CLPX: variants seen among roughly 807,000 people sequenced by gnomAD.
The protein encoded by CLPX is caseinolytic mitochondrial matrix peptidase chaperone subunit X.
A neutral mutation model predicts 76.4 loss-of-function variants in CLPX; 34 were observed. That is an observed-to-expected ratio of 0.45 (90% CI 0.34 to 0.59). The LOEUF (loss-of-function observed/expected upper bound fraction) is 0.59, where lower values mean the gene tolerates loss of function less well. Among genes scored for constraint, CLPX ranks in the 20% least tolerant of loss-of-function variants. CLPX has a pLI of 0.01. For synonymous variants in CLPX, 248 were observed against 270.9 expected, an observed-to-expected ratio of 0.92 and a Z score of 0.83; for missense variants, 613 against 757.0, an observed-to-expected ratio of 0.81 and a Z score of 2.23.
chr15:65,165,207 AGTCC>A (rs2087894929), intron 4 of CLPX, among the ~76,000 whole-genome samples: 1 of 152,030 alleles, frequency 6.6e-6, no homozygotes, highest in East Asian at 1.9e-4. Flanking sequence ...AGACACCTGC[AGTCC>A]CAGCTACTGT....
intron 3 of CLPX, among the ~76,000 whole-genome samples, chr15:65,176,880 C>T (rs1394210805): frequency 1.3e-5 from 2 of 151,816 alleles, no homozygotes; most frequent in Non-Finnish European, 2.9e-5. Flanking sequence ...CAGGTGTAAG[C>T]CACCGCGCCT....
intron 3 of CLPX, among the ~76,000 whole-genome samples, chr15:65,173,850 A>ATAGT (rs1398247388): frequency 6.6e-6 from 1 of 152,218 alleles, no homozygotes; most frequent in Non-Finnish European, 1.5e-5. Flanking sequence ...AAAGTAGTTA[A>ATAGT]TAGTTAACAG....
At chr15:65,175,225 C>T (rs375391090) in intron 3 of CLPX, among the ~76,000 whole-genome samples, 43 of 152,186 alleles carry the variant, frequency 2.8e-4, no homozygotes, top group African/African-American at 1.0e-3. Flanking sequence ...GTGGCTCACA[C>T]CTGTAATGCC....
intron 1 of CLPX, among the ~76,000 whole-genome samples, chr15:65,184,149 C>T (rs1398446982): frequency 2.6e-5 from 4 of 152,080 alleles, no homozygotes; most frequent in African/African-American, 9.7e-5. Context: ...TTTAAAAATC[C>T]ATCCAAGGGT....
rs774156898 is a variant in CLPX at position 65,162,654 on chromosome 15, G to A, written c.674-9C>T. ...TCTTCTTATTTCTAACTCTAAGAAA[G>A]AGGATGAAAATATTACATATTTGTT... is the stretch of plus-strand genomic sequence containing the variant. On this transcript the variant is annotated splice_polypyrimidine_tract_variant and intron_variant, in intron 5 of 13. Transcript: ENST00000300107. 2 of 1,545,524 alleles carry A rather than the reference G, an allele frequency of 1.3e-6. No homozygotes were observed. Among genetic ancestry groups the A allele is most frequent in the African/African-American group, 2.7e-5 (2 of 73,414 alleles).
intron 1 of CLPX, among the ~76,000 whole-genome samples, chr15:65,181,747 G>A (rs111852988): frequency 1.6e-5 from 2 of 122,892 alleles, no homozygotes; most frequent in African/African-American, 3.0e-5. Flanking sequence ...AGGCTCTGTC[G>A]CAAAATAAAT....
intron 1 of CLPX, among the ~76,000 whole-genome samples, chr15:65,184,023 C>T (rs1443028426): frequency 1.3e-5 from 2 of 152,320 alleles, no homozygotes; most frequent in African/African-American, 2.4e-5. Flanking sequence ...TTACAAAATG[C>T]TTCTGCCCAC....
chr15:65,158,475 C>T, intron 7 of CLPX, 100 bp downstream of exon 7: 1 of 984,476 alleles, frequency 1.0e-6, no homozygotes, highest in South Asian at 1.7e-5. Flanking sequence ...AGATTTTCTT[C>T]TCAAGAGCCG....
chr15:65,163,888 A>C, intron 5 of CLPX, 141 bp downstream of exon 5: 1 of 757,834 alleles, frequency 1.3e-6, no homozygotes, highest in Non-Finnish European at 2.2e-6. Flanking sequence ...TGATTTCATA[A>C]CACACTAATG....
At chr15:65,153,436 A>G in intron 12 of CLPX, 111 bp downstream of exon 12, 2 of 710,844 alleles carry the variant, frequency 2.8e-6, no homozygotes, top group South Asian at 3.4e-5. Flanking sequence ...TTTATTTGAG[A>G]CTCTGTCTCA....
At chr15:65,177,755 C>G (rs1173784884) in intron 3 of CLPX, among the ~76,000 whole-genome samples, 1 of 152,112 alleles carries the variant, frequency 6.6e-6, no homozygotes, top group Non-Finnish European at 1.5e-5. Context: ...CTTTGCATTT[C>G]AGAGAGTTAC....
Position 65,165,886 on chromosome 15 carries a change from G to A in CLPX, c.513+745C>T, listed in dbSNP as rs75478053. Among the ~76,000 whole-genome samples, 663 of 152,272 alleles carry A rather than the reference G, an allele frequency of 4.4e-3. 8 individuals carry two copies. Among genetic ancestry groups the A allele is most frequent in the African/African-American group, 0.015 (618 of 41,542 alleles). ...ATCTGTCACAGCACATTTGGAAGTA[G>A]AGACAAATGCACTGATATCTAAACA... On this transcript the variant is annotated intron_variant, in intron 4 of 13. Coordinates refer to ENST00000300107, the MANE Select transcript of CLPX (RefSeq NM_006660.5).
rs142612230 is a variant in CLPX at position 65,161,374 on chromosome 15, A to AG, written c.715+1229dup. Among the ~76,000 whole-genome samples, 650 of 152,370 alleles carry AG rather than the reference A, an allele frequency of 4.3e-3. 6 individuals carry two copies. Among genetic ancestry groups the AG allele is most frequent in the African/African-American group, 0.015 (626 of 41,592 alleles). On this transcript the variant is annotated intron_variant, in intron 6 of 13. Transcript: ENST00000300107. ...TGATTTTGGTCTAAAACCCTAGACC[A>AG]GTGTTAGGGTCTAACACCCCCAGCC...
intron 4 of CLPX, 89 bp downstream of exon 4, chr15:65,166,542 G>A: frequency 7.6e-7 from 1 of 1,314,382 alleles, no homozygotes; most frequent in Non-Finnish European, 1.1e-6. Flanking sequence ...TTATATACTA[G>A]TATTAGGATT....
At chr15:65,167,322 G>A (rs1313644106) in intron 3 of CLPX, among the ~76,000 whole-genome samples, 3 of 151,976 alleles carry the variant, frequency 2.0e-5, no homozygotes, top group East Asian at 1.9e-4. Context: ...GCCCGTCTCC[G>A]CCTCCCAAAG....
Position 65,180,540 on chromosome 15 carries a change from C to A in CLPX, c.80-336G>T, listed in dbSNP as rs558748451. Among the ~76,000 whole-genome samples, 3 of 151,536 alleles carry A rather than the reference C, an allele frequency of 2.0e-5. No homozygotes were observed. In the East Asian group the frequency reaches 5.8e-4, roughly 29 times the overall value. ...AAGATTTTGAAAAAGGCCATTTATG[C>A]CCTATATTCTTATTATTTCTACCAA... is the stretch of plus-strand genomic sequence containing the variant. On this transcript the variant is annotated intron_variant, in intron 1 of 13. Transcript: ENST00000300107.
chr15:65,161,438 C>G (rs1225432057), intron 6 of CLPX, among the ~76,000 whole-genome samples: 1 of 152,070 alleles, frequency 6.6e-6, no homozygotes, highest in African/African-American at 2.4e-5. Flanking sequence ...CTTAAAATCC[C>G]ATGTAAAACA....
chr15:65,155,793 GGA>G lies in CLPX; in HGVS notation c.1208_1209del (p.Leu403ProfsTer8), dbSNP rs2087782834. 6.2e-7 allele frequency: 1 copy of G among 1,613,720 alleles called. No homozygotes were observed. Among genetic ancestry groups the G allele is most frequent in the African/African-American group, 1.3e-5 (1 of 74,882 alleles). ...GTATCAACTTGAACTGTTTCTCCAC[GGA>G]GCTTTCGGGAATTCTTTTCTGGAAC... ...VNVPEKNSRK[L>X]RGETVQVDTT... On this transcript the variant is annotated frameshift_variant, in exon 10 of 14. Coordinates refer to ENST00000300107, the MANE Select transcript of CLPX (RefSeq NM_006660.5). LOFTEE classifies it high-confidence loss of function.
chr15:65,173,362 T>C (rs1435133427), intron 3 of CLPX, among the ~76,000 whole-genome samples: 1 of 116,070 alleles, frequency 8.6e-6, no homozygotes, highest in Non-Finnish European at 1.7e-5. Context: ...TGAGACTCTG[T>C]CTCAAAAAAA....
Sources: allele counts gnomAD v4.1 joint callset (sites outside exome capture counted in the v4.1 genomes callset), GRCh38; gene constraint gnomAD v4.1.1; transcripts MANE v1.5; gene names NCBI Gene and HGNC (gene_info 2026-07-23, HGNC 2026-07-21).